The following COL5A2 variants were observed in gnomAD, a reference collection of about 807,000 sequenced individuals.
COL5A2 encodes collagen type V alpha 2 chain.
In COL5A2, 23 loss-of-function variants were observed where a neutral mutation model predicts 208.2. That is an observed-to-expected ratio of 0.11 (90% CI 0.08 to 0.16). The LOEUF (loss-of-function observed/expected upper bound fraction) is 0.16, where lower values mean the gene tolerates loss of function less well. Ranked by LOEUF, COL5A2 falls within the 10% of genes least tolerant of loss-of-function variation. The pLI, the probability that COL5A2 is intolerant of heterozygous loss-of-function variation, is 1.00. For synonymous variants in COL5A2, 625 were observed against 628.5 expected, an observed-to-expected ratio of 0.99 and a Z score of 0.08; for missense variants, 1,590 against 1,956.4, an observed-to-expected ratio of 0.81 and a Z score of 3.53.
chr2:189,405,398 AT>A, the COL5A2 span, among the ~76,000 whole-genome samples: 870 of 152,118 alleles, frequency 5.7e-3, 11 homozygotes, highest in African/African-American at 0.02. Context: ...CACCCGGCTA[AT>A]TTTTGTATTT....
chr2:189,325,531 G>C, the COL5A2 span, among the ~76,000 whole-genome samples: 1 of 151,742 alleles, frequency 6.6e-6, no homozygotes, highest in East Asian at 1.9e-4. Flanking sequence ...TTCAGGGAGA[G>C]ACACAGAGAC....
chr2:189,190,290 A>G (rs1361176198), intron 1 of COL5A2, among the ~76,000 whole-genome samples: 1 of 152,174 alleles, frequency 6.6e-6, no homozygotes, highest in East Asian at 1.9e-4. Context: ...TTTCTCTGGA[A>G]TAACTGCAAT....
At chr2:189,323,812 A>T in the COL5A2 span, among the ~76,000 whole-genome samples, 1 of 152,194 alleles carries the variant, frequency 6.6e-6, no homozygotes, top group Non-Finnish European at 1.5e-5. Flanking sequence ...ACAGAATTGG[A>T]AAAAACTACT....
At chr2:189,203,445 T>C (rs1689104914) in intron 1 of COL5A2, among the ~76,000 whole-genome samples, 1 of 152,242 alleles carries the variant, frequency 6.6e-6, no homozygotes. Context: ...TTAGTGTTTC[T>C]AAAACTGCTG....
At chr2:189,058,072 C>T (rs960667602) in intron 33 of COL5A2, among the ~76,000 whole-genome samples, 1 of 152,138 alleles carries the variant, frequency 6.6e-6, no homozygotes, top group African/African-American at 2.4e-5. Context: ...GAAAATGGAG[C>T]ATATTATTAG....
upstream of COL5A2, among the ~76,000 whole-genome samples, chr2:189,227,199 G>GA (rs924564886): frequency 6.6e-6 from 1 of 151,890 alleles, no homozygotes; most frequent in African/African-American, 2.4e-5. Flanking sequence ...CAAATGGGGG[G>GA]AAAAATGGCC....
At chr2:189,278,135 T>C in the COL5A2 span, among the ~76,000 whole-genome samples, 1 of 152,144 alleles carries the variant, frequency 6.6e-6, no homozygotes, top group Non-Finnish European at 1.5e-5. Context: ...ACATTTCTTC[T>C]AAATCACAAT....
intron 30 of COL5A2, 129 bp downstream of exon 30, chr2:189,061,433 A>G (rs1418212073): frequency 4.1e-6 from 3 of 726,536 alleles, no homozygotes; most frequent in Admixed American, 2.2e-5. Context: ...TGTCTATACT[A>G]TCTACTAAAA....
the COL5A2 span, among the ~76,000 whole-genome samples, chr2:189,275,930 CA>C: frequency 1.3e-5 from 2 of 152,062 alleles, no homozygotes; most frequent in Admixed American, 1.3e-4. Context: ...ACTGAAAATA[CA>C]AAAAAATACA....
intron 1 of COL5A2, among the ~76,000 whole-genome samples, chr2:189,204,260 T>C (rs962398277): frequency 8.5e-5 from 13 of 152,220 alleles, no homozygotes; most frequent in Non-Finnish European, 1.3e-4. Context: ...TGCTATTTTA[T>C]AGAGAAGTTT....
chr2:189,209,911 A>G (rs1288847593), intron 1 of COL5A2, among the ~76,000 whole-genome samples: 1 of 152,196 alleles, frequency 6.6e-6, no homozygotes. Context: ...AAAAAAGTTG[A>G]CACTGGAGAT....
intron 48 of COL5A2, 147 bp from the exon 49 acceptor site, chr2:189,042,920 T>C (rs1685589429): frequency 3.5e-6 from 3 of 845,882 alleles, no homozygotes; most frequent in East Asian, 2.6e-5. Flanking sequence ...AGTTGACCAA[T>C]GTTAAAGACA....
intron 12 of COL5A2, 46 bp from the exon 13 acceptor site, chr2:189,081,089 A>T: frequency 6.6e-7 from 1 of 1,517,264 alleles, no homozygotes; most frequent in Non-Finnish European, 9.2e-7. Flanking sequence ...ATTAATAAGG[A>T]TGCAAAATTC....
the COL5A2 span, among the ~76,000 whole-genome samples, chr2:189,297,259 T>C: frequency 1.6e-4 from 25 of 152,220 alleles, no homozygotes; most frequent in African/African-American, 5.3e-4. Flanking sequence ...CTCTGAAATA[T>C]CTTTTCACTA....
chr2:189,413,072 A>G, the COL5A2 span, among the ~76,000 whole-genome samples: 6 of 152,230 alleles, frequency 3.9e-5, no homozygotes, highest in Non-Finnish European at 8.8e-5. Context: ...ATCTTTAATG[A>G]ATATTCACAG....
At chr2:189,434,671 A>C in the COL5A2 span, among the ~76,000 whole-genome samples, 1 of 152,198 alleles carries the variant, frequency 6.6e-6, no homozygotes, top group Non-Finnish European at 1.5e-5. Context: ...TAAACGAAAT[A>C]AAAGAGGACA....
chr2:189,277,941 G>T, the COL5A2 span, among the ~76,000 whole-genome samples: 1 of 152,160 alleles, frequency 6.6e-6, no homozygotes, highest in East Asian at 1.9e-4. Flanking sequence ...GAGGTCAATA[G>T]TGCCCCCAGA....
In COL5A2 at chr2:189,119,518, A is replaced by G. The variant is rs1028848811; in HGVS notation, c.98-9069T>C. Among the ~76,000 whole-genome samples, 76 of 152,106 alleles carry G rather than the reference A, an allele frequency of 5.0e-4. 1 individual carries two copies. Among genetic ancestry groups the G allele is most frequent in the Non-Finnish European group, 6.6e-4 (45 of 67,954 alleles). Reference sequence around the variant, plus strand: ...CATGGGCAAACTTTATTAGAATTTCAAAAGTTTTAGATTATTACTTAATGT... The same window carrying G: ...CATGGGCAAACTTTATTAGAATTTCGAAAGTTTTAGATTATTACTTAATGT... On this transcript the variant is annotated intron_variant, in intron 1 of 53. Coordinates refer to ENST00000374866, the MANE Select transcript of COL5A2 (RefSeq NM_000393.5).
the COL5A2 span, among the ~76,000 whole-genome samples, chr2:189,321,354 T>C: frequency 6.6e-6 from 1 of 152,142 alleles, no homozygotes; most frequent in African/African-American, 2.4e-5. Flanking sequence ...ATGTTCCAAT[T>C]AAAAGACACA....
Sources: allele counts gnomAD v4.1 joint callset (sites outside exome capture counted in the v4.1 genomes callset), GRCh38; gene constraint gnomAD v4.1.1; transcripts MANE v1.5; gene names NCBI Gene and HGNC (gene_info 2026-07-23, HGNC 2026-07-21).